Variants in STIM1 observed in about 807,000 individuals in gnomAD.
STIM1 encodes the protein stromal interaction molecule 1.
In STIM1, 25 loss-of-function variants were observed where a neutral mutation model predicts 74.7. That is an observed-to-expected ratio of 0.33 (90% CI 0.24 to 0.47). The LOEUF (loss-of-function observed/expected upper bound fraction) is 0.47. STIM1 is among the 20% of genes least tolerant of loss of function. The pLI, the probability that STIM1 is intolerant of heterozygous loss-of-function variation, is 1.00. For synonymous variants in STIM1, 328 were observed against 348.8 expected (o/e 0.94, Z 0.66); for missense variants, 728 against 920.8 (o/e 0.79, Z 2.71).
intron 3 of STIM1, among the ~76,000 whole-genome samples, chr11:4,031,915 C>G (rs7938946): frequency 0.18 from 27,371 of 152,154 alleles, 4,103 homozygotes; most frequent in African/African-American, 0.42. Flanking sequence ...ACAGATCATG[C>G]TTTTGGTATT....
intron 4 of STIM1, chr11:4,058,629 T>A (rs1306987823): frequency 4.5e-6 from 1 of 223,292 alleles, no homozygotes; most frequent in Non-Finnish European, 7.5e-6. Context: ...ATTTTCTTGT[T>A]CACAGGCTTT....
intron 1 of STIM1, among the ~76,000 whole-genome samples, chr11:3,895,853 T>TTCTC (rs1247465630): frequency 1.2e-4 from 14 of 113,230 alleles, no homozygotes; most frequent in Admixed American, 7.5e-4. Flanking sequence ...CTTTCTTTCT[T>TTCTC]TCTCTCTCTC....
intron 2 of STIM1, among the ~76,000 whole-genome samples, chr11:3,997,343 A>G (rs2093671920): frequency 6.6e-6 from 1 of 152,212 alleles, no homozygotes; most frequent in South Asian, 2.1e-4. Context: ...CATAAAACAG[A>G]TAAGGACACT....
chr11:3,958,349 A>G (rs2093243042), intron 1 of STIM1, among the ~76,000 whole-genome samples: 1 of 152,160 alleles, frequency 6.6e-6, no homozygotes, highest in South Asian at 2.1e-4. Flanking sequence ...TCTCAAAAAT[A>G]AAAAGGAAGT....
intron 2 of STIM1, among the ~76,000 whole-genome samples, chr11:4,018,586 G>A (rs577725811): frequency 1.2e-4 from 18 of 150,228 alleles, no homozygotes; most frequent in African/African-American, 2.9e-4. Flanking sequence ...TGGAGGTTGC[G>A]GTGAGCCAGG....
intron 1 of STIM1, among the ~76,000 whole-genome samples, chr11:3,948,216 C>T (rs1032139751): frequency 1.3e-4 from 20 of 152,102 alleles, no homozygotes; most frequent in African/African-American, 4.8e-4. Context: ...AAGTATTAGA[C>T]ATGAAAAGCT....
chr11:4,015,369 G>T (rs1246047624), intron 2 of STIM1, among the ~76,000 whole-genome samples: 1 of 152,106 alleles, frequency 6.6e-6, no homozygotes, highest in Non-Finnish European at 1.5e-5. Flanking sequence ...TTGAATATTG[G>T]CCCCCACTCT....
intron 2 of STIM1, among the ~76,000 whole-genome samples, chr11:3,997,603 A>G (rs1263856261): frequency 6.6e-6 from 1 of 152,216 alleles, no homozygotes; most frequent in Non-Finnish European, 1.5e-5. Context: ...ATCTCAACAG[A>G]TGACTAGGAG....
chr11:4,073,695 T>C (rs553733963), intron 6 of STIM1, among the ~76,000 whole-genome samples: 24 of 152,128 alleles, frequency 1.6e-4, no homozygotes, highest in African/African-American at 5.3e-4. Context: ...GGATGGAAGG[T>C]TTTGTCGGTG....
chr11:3,966,079 A>C (rs1336322208), intron 1 of STIM1, among the ~76,000 whole-genome samples: 1 of 152,196 alleles, frequency 6.6e-6, no homozygotes, highest in African/African-American at 2.4e-5. Flanking sequence ...TGCCCATATT[A>C]TCACCTGTGG....
intron 1 of STIM1, among the ~76,000 whole-genome samples, chr11:3,934,030 G>A (rs914203126): frequency 6.6e-6 from 1 of 152,034 alleles, no homozygotes; most frequent in African/African-American, 2.4e-5. Context: ...TCTCTTTCCC[G>A]TAGAAGCCCT....
chr11:4,083,565 T>C, intron 10 of STIM1, 67 bp downstream of exon 10: 1 of 1,477,962 alleles, frequency 6.8e-7, no homozygotes, highest in Non-Finnish European at 9.3e-7. Flanking sequence ...GTCTGTGGCC[T>C]CTGTTGTGCT....
intron 1 of STIM1, among the ~76,000 whole-genome samples, chr11:3,877,550 G>A (rs1180704887): frequency 8.5e-5 from 13 of 152,134 alleles, no homozygotes; most frequent in Admixed American, 5.2e-4. Flanking sequence ...CTTTGAAAAC[G>A]TGTACTCAGC....
chr11:4,086,903 T>C lies in STIM1; in HGVS notation c.1634+360T>C, dbSNP rs775028156. ...TTTTCTTTCTTCCCTTCCTTCCCTT[T>C]CTGCTGCTTTTACCTTGGTTTCTGC... On this transcript the variant is annotated intron_variant, in intron 12 of 12. Coordinates refer to ENST00000526596, the MANE Select transcript of STIM1 (RefSeq NM_001382567.1). 6 of 1,505,592 alleles carry C rather than the reference T, an allele frequency of 4.0e-6. No homozygotes were observed. The African/African-American group carries it at 5.5e-5, about 14-fold the overall frequency. The allele number at this position is 1,505,592 out of a possible 1,614,324, so 93.3% of individuals were successfully genotyped here.
Position 3,916,863 on chromosome 11 carries a change from C to T in STIM1, c.140-50689C>T, listed in dbSNP as rs1158321450. On this transcript the variant is annotated intron_variant, in intron 1 of 12. Coordinates refer to ENST00000526596, the MANE Select transcript of STIM1 (RefSeq NM_001382567.1). ...TTGGCCTCCCAAAGTGCTGGGATTACAGGCGTGAGCCACCACTCCCAGCCA... is the reference window on the plus strand; with the variant it reads ...TTGGCCTCCCAAAGTGCTGGGATTATAGGCGTGAGCCACCACTCCCAGCCA... Among the ~76,000 whole-genome samples, 8 of 152,240 alleles carry T rather than the reference C, an allele frequency of 5.3e-5. No homozygotes were observed. In the East Asian group the frequency reaches 1.2e-3, roughly 22 times the overall value.
At chr11:3,987,406 A>G (rs1590624827) in intron 2 of STIM1, among the ~76,000 whole-genome samples, 1 of 152,278 alleles carries the variant, frequency 6.6e-6, no homozygotes, top group East Asian at 1.9e-4. Context: ...ATTTCTCTGG[A>G]TGTTGACCAA....
At chr11:4,088,519 A>C (rs2094505732) in intron 12 of STIM1, 1 of 582,786 alleles carries the variant, frequency 1.7e-6, no homozygotes, top group African/African-American at 1.9e-5. Flanking sequence ...CCAAAAGCCT[A>C]GGAAGGGAGA....
At chr11:3,938,578 G>T (rs971423941) in intron 1 of STIM1, among the ~76,000 whole-genome samples, 4 of 152,166 alleles carry the variant, frequency 2.6e-5, no homozygotes, top group African/African-American at 9.7e-5. Context: ...CTGGGCACAT[G>T]GTTCACACCT....
intron 12 of STIM1, among the ~76,000 whole-genome samples, chr11:4,090,944 GTCTT>G (rs1019854900): frequency 6.6e-6 from 1 of 151,552 alleles, no homozygotes; most frequent in Non-Finnish European, 1.5e-5. Flanking sequence ...TCCCTTTCTT[GTCTT>G]TCTCTCTTGG....
Sources: allele counts gnomAD v4.1 joint callset (sites outside exome capture counted in the v4.1 genomes callset), GRCh38; gene constraint gnomAD v4.1.1; transcripts MANE v1.5; gene names NCBI Gene and HGNC (gene_info 2026-07-23, HGNC 2026-07-21).